Variants in NBAS observed in about 807,000 individuals in gnomAD.
The protein encoded by NBAS is NBAS subunit of NRZ tethering complex.
Under a neutral mutation model 302.5 loss-of-function variants are expected in NBAS, and 219 were observed. That is an observed-to-expected ratio of 0.72 (90% confidence interval 0.65 to 0.81). NBAS has a LOEUF of 0.81. Among genes scored for constraint, NBAS ranks in the 30% least tolerant of loss-of-function variants. NBAS has a pLI of 0.00. For missense variants in NBAS, 2,932 were observed against 2,841.6 expected (o/e 1.03, Z -0.72); for synonymous variants, 1,118 against 1,021.6 (o/e 1.09, Z -1.80).
intron 23 of NBAS, among the ~76,000 whole-genome samples, chr2:15,423,673 AATC>A (rs1572827410): frequency 6.6e-6 from 1 of 152,158 alleles, no homozygotes; most frequent in Non-Finnish European, 1.5e-5. Flanking sequence ...GGAAGAAAGA[AATC>A]ATCATCTGCT....
chr2:15,015,909 T>C, the NBAS span, among the ~76,000 whole-genome samples: 36 of 152,050 alleles, frequency 2.4e-4, no homozygotes, highest in African/African-American at 8.2e-4. Context: ...ACTTTTAGAA[T>C]TGATAAACAA....
At chr2:14,897,549 C>T in the NBAS span, among the ~76,000 whole-genome samples, 1 of 151,928 alleles carries the variant, frequency 6.6e-6, no homozygotes, top group Admixed American at 6.6e-5. Context: ...GTCTAATGCC[C>T]CTATAGCTTC....
chr2:15,517,975 T>C (rs1662480691), intron 9 of NBAS, among the ~76,000 whole-genome samples: 1 of 152,134 alleles, frequency 6.6e-6, no homozygotes, highest in African/African-American at 2.4e-5. Flanking sequence ...AAGTCTTAAG[T>C]TAAAAAAATC....
chr2:15,028,736 A>T, the NBAS span, among the ~76,000 whole-genome samples: 1 of 152,204 alleles, frequency 6.6e-6, no homozygotes, highest in African/African-American at 2.4e-5. Flanking sequence ...TGACATTCTC[A>T]TACCTTCCTG....
the NBAS span, among the ~76,000 whole-genome samples, chr2:14,834,749 T>C: frequency 6.6e-6 from 1 of 152,064 alleles, no homozygotes; most frequent in African/African-American, 2.4e-5. Context: ...AAGCAAGGAC[T>C]GTGGGAGAGC....
the NBAS span, among the ~76,000 whole-genome samples, chr2:15,098,627 G>GTA: frequency 1.1e-5 from 1 of 94,744 alleles, no homozygotes; most frequent in African/African-American, 5.0e-5. Context: ...ATTATATATT[G>GTA]TATATTATAT....
At chr2:14,982,068 C>T in the NBAS span, among the ~76,000 whole-genome samples, 1 of 152,312 alleles carries the variant, frequency 6.6e-6, no homozygotes, top group South Asian at 2.1e-4. Flanking sequence ...CAGATTTCCT[C>T]AGGGCATTTT....
At chr2:15,178,812 T>C (rs999027780) in intron 51 of NBAS, among the ~76,000 whole-genome samples, 176 bp downstream of exon 51, 15 of 152,176 alleles carry the variant, frequency 9.9e-5, no homozygotes, top group African/African-American at 3.6e-4. Context: ...TAAGTGTTTG[T>C]AAAATAAACA....
intron 11 of NBAS, among the ~76,000 whole-genome samples, chr2:15,496,097 T>TAC (rs61047968): frequency 0.5 from 71,508 of 143,864 alleles, 18,673 homozygotes; most frequent in Non-Finnish European, 0.62. Context: ...CATATACAGA[T>TAC]ACACACACAC....
the NBAS span, among the ~76,000 whole-genome samples, chr2:14,823,846 C>T: frequency 3.0e-3 from 461 of 151,994 alleles, 3 homozygotes; most frequent in African/African-American, 0.011. Context: ...AATTTTAAAA[C>T]AACAAAAATG....
chr2:14,871,739 TAA>T, the NBAS span, among the ~76,000 whole-genome samples: 1 of 152,146 alleles, frequency 6.6e-6, no homozygotes, highest in African/African-American at 2.4e-5. Context: ...CTTTAAATAC[TAA>T]GATAATCATT....
At chr2:15,383,785 C>T (rs1045198805) in intron 28 of NBAS, among the ~76,000 whole-genome samples, 22 of 152,176 alleles carry the variant, frequency 1.4e-4, no homozygotes, top group African/African-American at 5.3e-4. Flanking sequence ...CAACCGCAGG[C>T]CACATTTGCC....
At chr2:15,066,306 G>A in the NBAS span, among the ~76,000 whole-genome samples, 6 of 152,056 alleles carry the variant, frequency 3.9e-5, no homozygotes, top group African/African-American at 9.7e-5. Context: ...CATTGATCTC[G>A]GCAATTATTT....
Position 15,298,362 on chromosome 2 carries a change from C to A in NBAS, c.4798-5596G>T, listed in dbSNP as rs1469578120. On this transcript the variant is annotated intron_variant, in intron 40 of 51. Transcript: ENST00000281513. ...TTACAAAAATGAGAGGAGACAATTT[C>A]TCACAAAAGCTTCTAAGAAAAAATT... 2.0e-5 allele frequency among the ~76,000 whole-genome samples: 3 copies of A among 152,260 alleles called. No homozygotes were observed. In the East Asian group the frequency reaches 5.8e-4, roughly 29 times the overall value.
At chr2:15,374,102 T>C (rs1485420677) in intron 31 of NBAS, among the ~76,000 whole-genome samples, 2 of 152,236 alleles carry the variant, frequency 1.3e-5, no homozygotes, top group Non-Finnish European at 2.9e-5. Flanking sequence ...AGTTGAGTAA[T>C]ATTAAGATAT....
rs558005445 is a variant in NBAS, at chr2:15,366,713, T to C, written c.3704-20A>G. The C allele has an allele frequency of 1.2e-6, 2 of 1,608,190 alleles. No individual in the cohort carries two copies. The highest frequency in any genetic ancestry group is 4.5e-5 in the East Asian group (2 of 44,796). On this transcript the variant is annotated intron_variant, in intron 31 of 51. Coordinates refer to ENST00000281513, the MANE Select transcript of NBAS (RefSeq NM_015909.4). The stretch of plus-strand genomic sequence containing the variant: ...ATCGCACTACAAAAGAAAGACGTAT[T>C]AAAGACTTGGACCAGGGACATCACA...
chr2:14,791,102 G>A, the NBAS span, among the ~76,000 whole-genome samples: 4 of 152,042 alleles, frequency 2.6e-5, no homozygotes, highest in East Asian at 7.8e-4. Context: ...TGATCCACCC[G>A]CCTTGGCCTC....
At chr2:15,178,508 G>T (rs1158375796) in intron 51 of NBAS, among the ~76,000 whole-genome samples, 6 of 152,206 alleles carry the variant, frequency 3.9e-5, no homozygotes, top group Non-Finnish European at 5.9e-5. Context: ...CAAGAAGGTT[G>T]CCAGAGGAAA....
intron 6 of NBAS, among the ~76,000 whole-genome samples, chr2:15,545,847 T>A (rs370287876): frequency 5.3e-5 from 8 of 152,196 alleles, no homozygotes; most frequent in African/African-American, 1.7e-4. Flanking sequence ...GCAATCTAAA[T>A]ACCAATATCC....
Sources: gnomAD v4.1 joint callset for allele counts (sites outside exome capture counted in the v4.1 genomes callset) on GRCh38, gnomAD v4.1.1 for gene constraint, MANE v1.5 for transcripts, NCBI Gene and HGNC (gene_info 2026-07-23, HGNC 2026-07-21) for gene names.